Variants in CLMN observed in about 807,000 individuals in gnomAD.
CLMN encodes calmin (calponin-like, transmembrane).
CLMN carries 57 observed loss-of-function variants against 92.7 expected under a neutral mutation model. The ratio of observed to expected loss-of-function variants is 0.61; its 90% CI spans 0.50 to 0.77. The LOEUF (loss-of-function observed/expected upper bound fraction) is 0.77. Among genes scored for constraint, CLMN ranks in the 30% least tolerant of loss-of-function variants. The pLI is 0.00. For synonymous variants in CLMN, 466 were observed against 470.6 expected, an observed-to-expected ratio of 0.99 and a Z score of 0.13; for missense variants, 1,158 against 1,237.5, an observed-to-expected ratio of 0.94 and a Z score of 0.96.
In CLMN at chr14:95,186,704, A is replaced by G. The variant is rs140852141; in HGVS notation, c.*4860T>C. 4.6e-5 allele frequency: 7 copies of G among 152,394 alleles called. No individual in the cohort carries two copies. The East Asian group carries it at 1.2e-3, about 25-fold the overall frequency. 9.4% of individuals were successfully genotyped at this position (152,394 alleles called of 1,614,324 possible). ...CTCATCCTCCTGAGTAGCTGGGACTATAAGTGTATGCCACCACTAATTTAA... is the reference window on the plus strand; with the variant it reads ...CTCATCCTCCTGAGTAGCTGGGACTGTAAGTGTATGCCACCACTAATTTAA... On this transcript the variant is annotated 3_prime_UTR_variant, in exon 13 of 13. Coordinates refer to ENST00000298912, the MANE Select transcript of CLMN (RefSeq NM_024734.4).
chr14:95,210,928 C>G, intron 6 of CLMN, 49 bp from the exon 7 acceptor site: 2 of 1,475,110 alleles, frequency 1.4e-6, no homozygotes, highest in Non-Finnish European at 1.8e-6. Context: ...AGTAAACAGA[C>G]TCAAAGGTGC....
chr14:95,208,781 T>G (rs1199501512), intron 8 of CLMN, among the ~76,000 whole-genome samples: 1 of 152,156 alleles, frequency 6.6e-6, no homozygotes, highest in Non-Finnish European at 1.5e-5. Flanking sequence ...AATAAACAAT[T>G]CCTAAGTTTC....
intron 1 of CLMN, among the ~76,000 whole-genome samples, chr14:95,284,529 C>G (rs1326720431): frequency 6.6e-6 from 1 of 152,158 alleles, no homozygotes; most frequent in African/African-American, 2.4e-5. Flanking sequence ...GGAGGCTGTA[C>G]CCTGCAAAGC....
Position 95,280,897 on chromosome 14 carries a change from G to T in CLMN, c.82+38814C>A, listed in dbSNP as rs143825283. On this transcript the variant is annotated intron_variant, in intron 1 of 12. Coordinates refer to ENST00000298912, the MANE Select transcript of CLMN (RefSeq NM_024734.4). ...GCCACGAAAGTAACCAAATTTCCTT[G>T]TAAATTTTGTCTTTGACTGTGGCTG... is the stretch of plus-strand genomic sequence containing the variant. Among the ~76,000 whole-genome samples, 465 of 152,268 alleles carry T rather than the reference G, an allele frequency of 3.1e-3. 3 individuals are homozygous for T. Among genetic ancestry groups the T allele is most frequent in the Non-Finnish European group, 5.1e-3 (350 of 68,018 alleles).
At position 95,187,639 on chromosome 14, in the gene CLMN, C is replaced by G. The variant is rs575546657; in HGVS notation, c.*3925G>C. 1.3e-5 allele frequency: 2 copies of G among 152,444 alleles called. No homozygotes were observed. Among genetic ancestry groups the G allele is most frequent in the East Asian group, 3.9e-4 (2 of 5,192 alleles). 9.4% of individuals were successfully genotyped at this position (152,444 alleles called of 1,614,324 possible). ...GCAGCTCCAACTCAGGGACACCAGG[C>G]ACAGCAAAGGTTGAAGCAACTTAAT... On this transcript the variant is annotated 3_prime_UTR_variant, in exon 13 of 13. Coordinates refer to ENST00000298912, the MANE Select transcript of CLMN (RefSeq NM_024734.4).
intron 7 of CLMN, among the ~76,000 whole-genome samples, chr14:95,209,740 C>T (rs576571895): frequency 1.3e-5 from 2 of 152,338 alleles, no homozygotes; most frequent in Non-Finnish European, 2.9e-5. Context: ...GTTTTAGTCC[C>T]TTCCACAGTA....
Position 95,309,527 on chromosome 14 carries a change from C to T in CLMN, c.82+10184G>A, listed in dbSNP as rs959771895. 2.0e-5 allele frequency among the ~76,000 whole-genome samples: 3 copies of T among 152,240 alleles called. No homozygotes were observed. In the East Asian group the frequency reaches 5.8e-4, roughly 29 times the overall value. ...GGGCCACAGGGCATAGATGAGATCA[C>T]CATGACACAACGACACCACCTTCTC... On this transcript the variant is annotated intron_variant, in intron 1 of 12. Transcript: ENST00000298912.
At chr14:95,310,303 C>A (rs1901477999) in intron 1 of CLMN, among the ~76,000 whole-genome samples, 1 of 152,226 alleles carries the variant, frequency 6.6e-6, no homozygotes, top group Non-Finnish European at 1.5e-5. Context: ...CTGCATTCCT[C>A]GGCTCCTGGT....
At chr14:95,265,025 C>T (rs1283169847) in intron 1 of CLMN, among the ~76,000 whole-genome samples, 1 of 151,598 alleles carries the variant, frequency 6.6e-6, no homozygotes, top group African/African-American at 2.4e-5. Context: ...GGCAGGAGGA[C>T]TGTTTGAGCC....
At chr14:95,314,272 T>C (rs1268519046) in intron 1 of CLMN, among the ~76,000 whole-genome samples, 1 of 152,224 alleles carries the variant, frequency 6.6e-6, no homozygotes, top group Non-Finnish European at 1.5e-5. Context: ...GTACATCATT[T>C]ACCACGTGTA....
At chr14:95,197,002 G>A (rs1216744551) in intron 9 of CLMN, among the ~76,000 whole-genome samples, 1 of 152,226 alleles carries the variant, frequency 6.6e-6, no homozygotes, top group Non-Finnish European at 1.5e-5. Context: ...AGTGACTGAT[G>A]TTATCTTTTT....
chr14:95,318,632 C>T (rs1427312400), intron 1 of CLMN, among the ~76,000 whole-genome samples: 2 of 152,136 alleles, frequency 1.3e-5, no homozygotes, highest in African/African-American at 4.8e-5. Context: ...CGCCTCTCTG[C>T]CCAGGCCTCC....
In CLMN at chr14:95,245,238, TTA is replaced by T. The variant is rs1555390382; in HGVS notation, c.83-15107_83-15106del. Among the ~76,000 whole-genome samples, 256 of 28,136 alleles carry T rather than the reference TTA, an allele frequency of 9.1e-3. 8 individuals are homozygous for T. The highest frequency in any genetic ancestry group is 0.028 in the African/African-American group (107 of 3,852). The allele number at this position is 28,136 out of a possible 152,430, so 18.5% of individuals were successfully genotyped here. ...TATATATATATATTATATATATATA[TTA>T]TATATATATATATAATATATATATA... On this transcript the variant is annotated intron_variant, in intron 1 of 12. Coordinates refer to ENST00000298912, the MANE Select transcript of CLMN (RefSeq NM_024734.4).
intron 4 of CLMN, among the ~76,000 whole-genome samples, chr14:95,218,519 A>C (rs142925764): frequency 6.2e-4 from 94 of 152,326 alleles, no homozygotes; most frequent in Middle Eastern, 3.4e-3. Context: ...TCCACCACCC[A>C]GTTCTGGGCA....
At chr14:95,257,275 A>G (rs373812556) in intron 1 of CLMN, among the ~76,000 whole-genome samples, 5 of 152,306 alleles carry the variant, frequency 3.3e-5, no homozygotes, top group African/African-American at 7.2e-5. Flanking sequence ...CTGCATCTAG[A>G]CGGGGACCTG....
In CLMN at chr14:95,238,152, C is replaced by T. The variant is rs547018096; in HGVS notation, c.83-8019G>A. 6.1e-3 allele frequency among the ~76,000 whole-genome samples: 936 copies of T among 152,342 alleles called. 4 individuals carry two copies. The highest frequency in any genetic ancestry group is 0.01 in the Non-Finnish European group (688 of 68,028). ...CCAGCCCCAACGCTGCCGACTCCCA[C>T]GGCCCACTGCCACTCCTTACTCCTG... is the stretch of plus-strand genomic sequence containing the variant. On this transcript the variant is annotated intron_variant, in intron 1 of 12. Transcript: ENST00000298912.
At chr14:95,287,009 T>C (rs1277979749) in intron 1 of CLMN, among the ~76,000 whole-genome samples, 1 of 152,196 alleles carries the variant, frequency 6.6e-6, no homozygotes, top group Non-Finnish European at 1.5e-5. Context: ...GTGAGCTGCC[T>C]CCCAGGTCTT....
chr14:95,216,328 T>C (rs1342263091), intron 4 of CLMN, among the ~76,000 whole-genome samples: 1 of 152,182 alleles, frequency 6.6e-6, no homozygotes, highest in East Asian at 1.9e-4. Flanking sequence ...CCACGACACG[T>C]GGGAATTATG....
At chr14:95,284,954 G>T (rs766402350) in intron 1 of CLMN, among the ~76,000 whole-genome samples, 24 of 152,090 alleles carry the variant, frequency 1.6e-4, no homozygotes, top group Non-Finnish European at 2.9e-4. Flanking sequence ...GTTTGGCTGT[G>T]TCCCCACCCA....
Sources: gnomAD v4.1 joint callset for allele counts (sites outside exome capture counted in the v4.1 genomes callset) on GRCh38, gnomAD v4.1.1 for gene constraint, MANE v1.5 for transcripts, NCBI Gene and HGNC (gene_info 2026-07-23, HGNC 2026-07-21) for gene names.